Variants in NCOA1 observed in about 807,000 individuals in gnomAD.
The protein encoded by NCOA1 is nuclear receptor coactivator 1, also known as Hin-2 protein.
A neutral mutation model predicts 150.9 loss-of-function variants in NCOA1; 35 were observed. The ratio of observed to expected loss-of-function variants is 0.23; its 90% confidence interval spans 0.18 to 0.31. The LOEUF (loss-of-function observed/expected upper bound fraction) is 0.31, where lower values mean the gene tolerates loss of function less well. Ranked by LOEUF, NCOA1 falls within the 10% of genes least tolerant of loss-of-function variation. The pLI is 1.00. For synonymous variants in NCOA1, 590 were observed against 630.0 expected, an observed-to-expected ratio of 0.94 and a Z score of 0.95; for missense variants, 1,491 against 1,749.3, an observed-to-expected ratio of 0.85 and a Z score of 2.63.
At chr2:24,716,467 T>C (rs1055024409) in intron 14 of NCOA1, among the ~76,000 whole-genome samples, 4 of 152,170 alleles carry the variant, frequency 2.6e-5, no homozygotes, top group African/African-American at 9.7e-5. Flanking sequence ...GTCATTTCAA[T>C]ACATGGTGAT....
intron 6 of NCOA1, among the ~76,000 whole-genome samples, chr2:24,670,129 A>G (rs1671615689): frequency 7.6e-6 from 1 of 131,616 alleles, no homozygotes; most frequent in Admixed American, 9.1e-5. Flanking sequence ...CAGAGCAAGG[A>G]GTGTCTTAGG....
At chr2:24,586,441 C>T (rs1410029752) in intron 3 of NCOA1, among the ~76,000 whole-genome samples, 1 of 151,946 alleles carries the variant, frequency 6.6e-6, no homozygotes, top group African/African-American at 2.4e-5. Context: ...GGCTGGAGTG[C>T]AGTGGCATGA....
chr2:24,722,284 C>G (rs962538867), intron 14 of NCOA1, among the ~76,000 whole-genome samples: 2 of 152,152 alleles, frequency 1.3e-5, no homozygotes, highest in Non-Finnish European at 2.9e-5. Flanking sequence ...CAGAGCACAT[C>G]CAGGTAAATA....
chr2:24,621,149 G>T (rs770091019), intron 3 of NCOA1, among the ~76,000 whole-genome samples: 18 of 152,158 alleles, frequency 1.2e-4, no homozygotes, highest in Non-Finnish European at 2.2e-4. Context: ...GGTATGTGGG[G>T]GGTGGGGAGG....
chr2:24,733,127 G>A (rs1663103626), intron 17 of NCOA1, among the ~76,000 whole-genome samples: 1 of 152,140 alleles, frequency 6.6e-6, no homozygotes, highest in Non-Finnish European at 1.5e-5. Flanking sequence ...AGAGTAAATG[G>A]CTGCGGGTTG....
chr2:24,617,841 A>G (rs1026858553), intron 3 of NCOA1, among the ~76,000 whole-genome samples: 1 of 152,176 alleles, frequency 6.6e-6, no homozygotes, highest in Non-Finnish European at 1.5e-5. Context: ...ATCTGAAGTC[A>G]TAATCACTGC....
intron 3 of NCOA1, among the ~76,000 whole-genome samples, chr2:24,613,846 G>T (rs968677895): frequency 6.6e-6 from 1 of 152,220 alleles, no homozygotes; most frequent in African/African-American, 2.4e-5. Context: ...AGATCTGCCT[G>T]GGTGTGAAGC....
chr2:24,612,604 A>G (rs867636418), intron 3 of NCOA1, among the ~76,000 whole-genome samples: 3 of 151,326 alleles, frequency 2.0e-5, no homozygotes, highest in Non-Finnish European at 1.5e-5. Context: ...TTTTTTCTTT[A>G]TTTTTGTCTG....
rs998956592 is a variant in NCOA1, at chr2:24,658,576, T to G, written c.-17-85T>G. On this transcript the variant is annotated intron_variant, in intron 4 of 22. Transcript: ENST00000348332. Reference sequence around the variant, plus strand: ...TTGATATAGCACAATTTTTAGAAATTTTCTAACAGAGGGGAGCTTCCCTAC... The same window carrying G: ...TTGATATAGCACAATTTTTAGAAATGTTCTAACAGAGGGGAGCTTCCCTAC... 3 of 943,802 alleles carry G rather than the reference T, an allele frequency of 3.2e-6. No individual in the cohort carries two copies. The African/African-American group carries it at 4.9e-5, about 16-fold the overall frequency. The allele number at this position is 943,802 out of a possible 1,614,324, so 58.5% of individuals were successfully genotyped here.
chr2:24,623,390 C>A (rs1572505263), intron 3 of NCOA1, among the ~76,000 whole-genome samples: 1 of 152,144 alleles, frequency 6.6e-6, no homozygotes, highest in Admixed American at 6.5e-5. Context: ...TTTTTACTTT[C>A]TCATTTTTAT....
intron 1 of NCOA1, among the ~76,000 whole-genome samples, chr2:24,529,689 C>A (rs776135895): frequency 6.6e-6 from 1 of 152,084 alleles, no homozygotes; most frequent in Non-Finnish European, 1.5e-5. Context: ...TACCTTTAAC[C>A]GCTTAACTTT....
intron 13 of NCOA1, among the ~76,000 whole-genome samples, chr2:24,710,085 TTTTA>T (rs1051782869): frequency 1.3e-5 from 2 of 151,564 alleles, no homozygotes; most frequent in African/African-American, 4.8e-5. Context: ...TTTTATTTTA[TTTTA>T]TTTATTTATT....
At chr2:24,580,909 A>G (rs984720235) in intron 2 of NCOA1, among the ~76,000 whole-genome samples, 7 of 152,160 alleles carry the variant, frequency 4.6e-5, no homozygotes, top group Non-Finnish European at 8.8e-5. Flanking sequence ...TCTTATTTAA[A>G]TGTTCTGATT....
intron 1 of NCOA1, among the ~76,000 whole-genome samples, chr2:24,536,183 G>T (rs192734706): frequency 2.6e-5 from 4 of 151,838 alleles, no homozygotes; most frequent in Admixed American, 2.6e-4. Context: ...TTGTCTTCTC[G>T]CTTTATTTCA....
At chr2:24,505,854 A>G (rs1233535286) in intron 1 of NCOA1, among the ~76,000 whole-genome samples, 1 of 152,106 alleles carries the variant, frequency 6.6e-6, no homozygotes, top group Non-Finnish European at 1.5e-5. Flanking sequence ...ATCCCATTGG[A>G]GTTGCTAAGC....
At chr2:24,533,623 CAATACCTAGTTTA>C (rs1664993162) in intron 1 of NCOA1, among the ~76,000 whole-genome samples, 1 of 152,160 alleles carries the variant, frequency 6.6e-6, no homozygotes, top group South Asian at 2.1e-4. Context: ...TATGTTCCAT[CAATACCTAGTTTA>C]TTGAGAGTTT....
At chr2:24,503,576 A>G (rs73920088) in intron 1 of NCOA1, among the ~76,000 whole-genome samples, 4,977 of 152,270 alleles carry the variant, frequency 0.033, 102 homozygotes, top group African/African-American at 0.058. Flanking sequence ...AGGGAGTCTC[A>G]TTTGCTATAA....
At chr2:24,574,127 G>C (rs1236510382) in intron 2 of NCOA1, among the ~76,000 whole-genome samples, 1 of 151,916 alleles carries the variant, frequency 6.6e-6, no homozygotes, top group African/African-American at 2.4e-5. Context: ...TCTTACAAAG[G>C]AAAAGATGGA....
At chr2:24,679,632 T>C (rs1672074360) in intron 7 of NCOA1, among the ~76,000 whole-genome samples, 1 of 152,202 alleles carries the variant, frequency 6.6e-6, no homozygotes, top group African/African-American at 2.4e-5. Context: ...TCTATTTTTA[T>C]ATAAACTTCA....
Sources: gnomAD v4.1 joint callset for allele counts (sites outside exome capture counted in the v4.1 genomes callset) on GRCh38, gnomAD v4.1.1 for gene constraint, MANE v1.5 for transcripts, NCBI Gene and HGNC (gene_info 2026-07-23, HGNC 2026-07-21) for gene names.